Variants in RGPD2 observed in about 807,000 individuals in gnomAD.
RGPD2 encodes RANBP2-like and GRIP domain-containing protein 2.
RGPD2 carries 2 observed loss-of-function variants against 36.0 expected under a neutral mutation model. The observed-to-expected ratio is 0.06, with a 90% CI of 0.02 to 0.17. The LOEUF (loss-of-function observed/expected upper bound fraction) is 0.17, where lower values mean the gene tolerates loss of function less well. RGPD2 is among the 10% of genes least tolerant of loss of function. RGPD2 has a pLI of 1.00. For synonymous variants in RGPD2, 19 were observed against 163.8 expected (o/e 0.12, Z 6.75); for missense variants, 40 against 464.3 (o/e 0.09, Z 8.40).
rs774710896 is a variant in RGPD2 at position 87,762,719 on chromosome 2, AAAC to A, written c.5237-5296_5237-5294del. Among the ~76,000 whole-genome samples, 139 of 40,188 alleles carry A rather than the reference AAAC, an allele frequency of 3.5e-3. 1 individual carries two copies. The highest frequency in any genetic ancestry group is 0.014 in the Middle Eastern group (2 of 140). The allele number at this position is 40,188 out of a possible 152,430, so 26.4% of individuals were successfully genotyped here. ...GGTGACACAGTGAGTATCCATCTCA[AAAC>A]AACAACAACAACAACAACAACAAAA... On this transcript the variant is annotated intron_variant, in intron 22 of 22. Coordinates refer to ENST00000398146, the MANE Select transcript of RGPD2 (RefSeq NM_001078170.3).
the RGPD2 span, among the ~76,000 whole-genome samples, chr2:87,887,287 C>T: frequency 7.1e-3 from 1,077 of 151,498 alleles, 12 homozygotes; most frequent in African/African-American, 0.025. Flanking sequence ...TGATCGAAAC[C>T]GCAGGTAGTA....
the RGPD2 span, among the ~76,000 whole-genome samples, chr2:87,919,063 A>G: frequency 3.4e-5 from 5 of 148,478 alleles, no homozygotes; most frequent in African/African-American, 1.2e-4. Flanking sequence ...AAGACCCTGC[A>G]CAGCATCCAT....
the RGPD2 span, among the ~76,000 whole-genome samples, chr2:87,881,986 C>T: frequency 4.0e-5 from 6 of 151,826 alleles, no homozygotes; most frequent in African/African-American, 1.5e-4. Flanking sequence ...GTGGCAAGAA[C>T]AAAAGCAAGA....
chr2:87,840,678 T>C, the RGPD2 span, among the ~76,000 whole-genome samples: 212 of 150,120 alleles, frequency 1.4e-3, no homozygotes, highest in African/African-American at 5.0e-3. Context: ...AGGAATTCAC[T>C]GCAAAGAGCA....
chr2:87,922,988 A>C, the RGPD2 span, among the ~76,000 whole-genome samples: 1 of 150,918 alleles, frequency 6.6e-6, no homozygotes, highest in African/African-American at 2.4e-5. Flanking sequence ...CTGCCTTTTT[A>C]ATATTATGTC....
At chr2:87,923,165 G>A in the RGPD2 span, among the ~76,000 whole-genome samples, 1 of 152,106 alleles carries the variant, frequency 6.6e-6, no homozygotes, top group South Asian at 2.1e-4. Context: ...TTCGTGGACT[G>A]GAGGGCAGGA....
intron 19 of RGPD2, 106 bp from the exon 20 acceptor site, chr2:87,784,453 A>AATG (rs753292841): frequency 4.3e-3 from 3,912 of 904,742 alleles, no homozygotes; most frequent in East Asian, 5.8e-3. Flanking sequence ...TGTTAACAAT[A>AATG]ATGATGATGA....
chr2:87,948,056 G>C, the RGPD2 span, among the ~76,000 whole-genome samples: 1 of 152,284 alleles, frequency 6.6e-6, no homozygotes, highest in Non-Finnish European at 1.5e-5. Context: ...TCTTTGGCGT[G>C]GCTAGGCAAG....
chr2:87,988,644 A>G, the RGPD2 span, among the ~76,000 whole-genome samples: 26 of 149,882 alleles, frequency 1.7e-4, no homozygotes, highest in Non-Finnish European at 3.4e-4. Flanking sequence ...GGGTTCAAGC[A>G]ATTCTCCTGC....
chr2:87,825,382 CG>C (rs1459645011), intron 1 of RGPD2, among the ~76,000 whole-genome samples: 2 of 137,640 alleles, frequency 1.5e-5, no homozygotes, highest in African/African-American at 2.8e-5. Context: ...AGGCCGCCGC[CG>C]CCGCCGCCGC....
At chr2:87,909,188 A>G in the RGPD2 span, among the ~76,000 whole-genome samples, 9 of 152,158 alleles carry the variant, frequency 5.9e-5, no homozygotes. Flanking sequence ...TAAACATCAG[A>G]GTATTGGCTG....
the RGPD2 span, among the ~76,000 whole-genome samples, chr2:87,879,453 C>T: frequency 6.9e-6 from 1 of 144,554 alleles, no homozygotes; most frequent in African/African-American, 2.6e-5. Flanking sequence ...CATCCCCCCA[C>T]CCCTGACACA....
chr2:87,857,278 TACTA>T, the RGPD2 span, among the ~76,000 whole-genome samples: 1 of 152,254 alleles, frequency 6.6e-6, no homozygotes, highest in Non-Finnish European at 1.5e-5. Flanking sequence ...GGTTATGGCT[TACTA>T]AATAAGTAAT....
intron 1 of RGPD2, chr2:87,824,955 A>C (rs1032364818): frequency 2.3e-5 from 9 of 384,428 alleles, no homozygotes; most frequent in Non-Finnish European, 4.1e-5. Context: ...CCCCAACTAA[A>C]TACTACCGTA....
chr2:87,915,315 T>A, the RGPD2 span, among the ~76,000 whole-genome samples: 1 of 130,152 alleles, frequency 7.7e-6, no homozygotes, highest in Non-Finnish European at 1.6e-5. Flanking sequence ...TGTATATATA[T>A]GTATATTATA....
upstream of RGPD2, among the ~76,000 whole-genome samples, chr2:87,826,180 T>A (rs571978614): frequency 3.3e-5 from 5 of 152,340 alleles, no homozygotes; most frequent in African/African-American, 1.2e-4. Flanking sequence ...ATACTACTTG[T>A]AAAGTCTATA....
At chr2:87,878,114 G>A in the RGPD2 span, among the ~76,000 whole-genome samples, 3 of 152,238 alleles carry the variant, frequency 2.0e-5, no homozygotes, top group African/African-American at 7.2e-5. Context: ...ATATCCTGAA[G>A]TGTGTTTTCC....
the RGPD2 span, among the ~76,000 whole-genome samples, chr2:87,866,753 G>A: frequency 2.4e-4 from 36 of 151,874 alleles, no homozygotes; most frequent in Admixed American, 1.8e-3. Flanking sequence ...TGCAGGGTGG[G>A]AGAGAACTGT....
chr2:87,853,997 G>A, the RGPD2 span, among the ~76,000 whole-genome samples: 1 of 152,104 alleles, frequency 6.6e-6, no homozygotes, highest in Non-Finnish European at 1.5e-5. Context: ...GAGGATTGGT[G>A]AATAACCAAC....
Sources: allele counts gnomAD v4.1 joint callset (sites outside exome capture counted in the v4.1 genomes callset), GRCh38; gene constraint gnomAD v4.1.1; transcripts MANE v1.5; gene names NCBI Gene and HGNC (gene_info 2026-07-23, HGNC 2026-07-21).